CSMD1: variants seen among roughly 807,000 people sequenced by gnomAD.
CSMD1 encodes CUB and Sushi multiple domains 1.
In CSMD1, 213 loss-of-function variants were observed where a neutral mutation model predicts 417.5. That is an observed-to-expected ratio of 0.51 (90% CI 0.46 to 0.57). The LOEUF is 0.57. Among genes scored for constraint, CSMD1 ranks in the 20% least tolerant of loss-of-function variants. The pLI, the probability that CSMD1 is intolerant of heterozygous loss-of-function variation, is 0.00. For synonymous variants in CSMD1, 2,862 were observed against 1,736.8 expected, an observed-to-expected ratio of 1.65 and a Z score of -16.11; for missense variants, 6,923 against 4,529.7, an observed-to-expected ratio of 1.53 and a Z score of -15.17.
chr8:3,309,338 C>T (rs754381368), intron 23 of CSMD1, among the ~76,000 whole-genome samples: 18 of 130,126 alleles, frequency 1.4e-4, no homozygotes, highest in Non-Finnish European at 2.5e-4. Flanking sequence ...AAAAAACTGG[C>T]GCTCCTGAAT....
intron 49 of CSMD1, among the ~76,000 whole-genome samples, chr8:3,070,418 T>C (rs1813255073): frequency 6.6e-6 from 1 of 152,242 alleles, no homozygotes; most frequent in Non-Finnish European, 1.5e-5. Context: ...TGCTCCTGTA[T>C]TTGAACATAG....
chr8:4,984,985 T>C (rs1457208351), intron 1 of CSMD1, among the ~76,000 whole-genome samples: 1 of 152,158 alleles, frequency 6.6e-6, no homozygotes, highest in East Asian at 1.9e-4. Flanking sequence ...CAGAGATTCA[T>C]CCTCTTTGTT....
intron 5 of CSMD1, among the ~76,000 whole-genome samples, chr8:3,897,116 C>A (rs1048776974): frequency 2.4e-4 from 36 of 152,276 alleles, no homozygotes; most frequent in South Asian, 2.1e-4. Flanking sequence ...CATGACAGCA[C>A]TGAAATCACA....
chr8:4,344,117 T>A (rs1237595620), intron 3 of CSMD1, among the ~76,000 whole-genome samples: 1 of 152,114 alleles, frequency 6.6e-6, no homozygotes, highest in African/African-American at 2.4e-5. Flanking sequence ...AAAGGCCTAT[T>A]CAAAAACACA....
chr8:3,618,038 G>A (rs1487972688), intron 7 of CSMD1, among the ~76,000 whole-genome samples: 1 of 152,094 alleles, frequency 6.6e-6, no homozygotes, highest in Non-Finnish European at 1.5e-5. Context: ...ATCTCACTCT[G>A]TTGCCCAGGT....
chr8:3,725,089 T>C (rs1288743433), intron 6 of CSMD1, among the ~76,000 whole-genome samples: 2 of 152,138 alleles, frequency 1.3e-5, no homozygotes, highest in Non-Finnish European at 2.9e-5. Flanking sequence ...GCCCTCAGCA[T>C]AGCGGTTTGG....
intron 5 of CSMD1, among the ~76,000 whole-genome samples, chr8:3,803,144 T>C (rs773385505): frequency 2.6e-5 from 4 of 152,192 alleles, no homozygotes; most frequent in Non-Finnish European, 2.9e-5. Context: ...TCATTCTAAG[T>C]ACTCATGTTC....
intron 1 of CSMD1, among the ~76,000 whole-genome samples, chr8:4,672,864 TACATGGTA>T: frequency 6.6e-6 from 1 of 152,104 alleles, no homozygotes; most frequent in Admixed American, 6.5e-5. Flanking sequence ...TATGCATGCA[TACATGGTA>T]ACATGGAGCA....
Position 3,157,839 on chromosome 8 carries a change from C to G in CSMD1, c.5914+58G>C, listed in dbSNP as rs145323730. On this transcript the variant is annotated intron_variant, in intron 39 of 69. Transcript: ENST00000635120. The stretch of plus-strand genomic sequence containing the variant: ...GCATTCTTTGACCCCAAGAGTAGAG[C>G]AGGCATGTTCTTCCCAGTGTGTGCG... 2.5e-3 allele frequency: 3,411 copies of G among 1,353,954 alleles called. 5 individuals are homozygous for G. The highest frequency in any genetic ancestry group is 5.3e-3 in the Admixed American group (264 of 49,832). The allele number at this position is 1,353,954 out of a possible 1,614,324, so 83.9% of individuals were successfully genotyped here.
intron 33 of CSMD1, among the ~76,000 whole-genome samples, chr8:3,198,016 G>A (rs529361371): frequency 7.2e-5 from 11 of 152,262 alleles, no homozygotes; most frequent in Middle Eastern, 3.4e-3. Context: ...TGTTAGAGTC[G>A]TCATATACTC....
chr8:4,253,333 T>G (rs745804729), intron 3 of CSMD1, among the ~76,000 whole-genome samples: 2 of 152,286 alleles, frequency 1.3e-5, no homozygotes, highest in Non-Finnish European at 2.9e-5. Flanking sequence ...TCCCCTACTA[T>G]AGAACTTATC....
chr8:3,833,679 T>C (rs1015890171), intron 5 of CSMD1, among the ~76,000 whole-genome samples: 2 of 152,100 alleles, frequency 1.3e-5, no homozygotes, highest in African/African-American at 2.4e-5. Flanking sequence ...AAATAAATTA[T>C]CCTTTTCTTC....
At chr8:4,713,533 C>T (rs749055987) in intron 1 of CSMD1, among the ~76,000 whole-genome samples, 2 of 152,260 alleles carry the variant, frequency 1.3e-5, no homozygotes, top group Non-Finnish European at 2.9e-5. Flanking sequence ...TCCCGGGTAG[C>T]TGGGACTACA....
At chr8:4,212,751 C>CTTTTTTTTTTTTTTTTTTTTTTTTTTTT (rs5889027) in intron 3 of CSMD1, among the ~76,000 whole-genome samples, 3 of 99,268 alleles carry the variant, frequency 3.0e-5, no homozygotes, top group Admixed American at 1.1e-4. Context: ...CGGCCTTATT[C>CTTTTTTTTTTTTTTTTTTTTTTTTTTTT]TTTTTTTTTT....
Position 4,521,499 on chromosome 8 carries a change from C to T in CSMD1, c.303-101434G>A, listed in dbSNP as rs116094409. Among the ~76,000 whole-genome samples, 516 of 152,194 alleles carry T rather than the reference C, an allele frequency of 3.4e-3. 1 individual carries two copies. The highest frequency in any genetic ancestry group is 0.011 in the African/African-American group (473 of 41,532). ...GCATTTATATAAGAAAATTCTACTTCGAAGATTTAATGAATGAATGTTTCC... is the reference window on the plus strand; with the variant it reads ...GCATTTATATAAGAAAATTCTACTTTGAAGATTTAATGAATGAATGTTTCC... On this transcript the variant is annotated intron_variant, in intron 2 of 69. Coordinates refer to ENST00000635120, the MANE Select transcript of CSMD1 (RefSeq NM_033225.6).
intron 10 of CSMD1, among the ~76,000 whole-genome samples, chr8:3,561,780 T>A (rs1169159408): frequency 6.6e-6 from 1 of 151,046 alleles, no homozygotes; most frequent in African/African-American, 2.4e-5. Flanking sequence ...ATTTAACAAG[T>A]AAAATTAAAA....
At chr8:3,278,638 A>G (rs141512714) in intron 26 of CSMD1, 161 of 134,402 alleles carry the variant, frequency 1.2e-3, no homozygotes, top group African/African-American at 4.2e-3. Flanking sequence ...AATCTAATTT[A>G]TAGGTAAAGT....
chr8:3,382,468 A>G (rs866281404), intron 18 of CSMD1, among the ~76,000 whole-genome samples: 2 of 107,522 alleles, frequency 1.9e-5, no homozygotes, highest in African/African-American at 6.6e-5. Flanking sequence ...ATAATATATT[A>G]TATATAATCT....
intron 3 of CSMD1, among the ~76,000 whole-genome samples, chr8:4,342,786 G>C (rs1800554172): frequency 6.6e-6 from 1 of 151,952 alleles, no homozygotes; most frequent in African/African-American, 2.4e-5. Context: ...AAGCTCAAGG[G>C]ACTTGGAAAG....
Sources: gnomAD v4.1 joint callset for allele counts (sites outside exome capture counted in the v4.1 genomes callset) on GRCh38, gnomAD v4.1.1 for gene constraint, MANE v1.5 for transcripts, NCBI Gene and HGNC (gene_info 2026-07-23, HGNC 2026-07-21) for gene names.